The following ZRANB3 variants were observed in gnomAD, a reference collection of about 807,000 sequenced individuals.
ZRANB3 encodes DNA annealing helicase and endonuclease ZRANB3.
A neutral mutation model predicts 133.8 loss-of-function variants in ZRANB3; 125 were observed. The observed-to-expected ratio is 0.93, with a 90% confidence interval of 0.81 to 1.08. ZRANB3 has a LOEUF of 1.08. Ranked by LOEUF, ZRANB3 falls within the 50% of genes least tolerant of loss-of-function variation. ZRANB3 has a pLI of 0.00. For synonymous variants in ZRANB3, 387 were observed against 432.7 expected, an observed-to-expected ratio of 0.89 and a Z score of 1.31; for missense variants, 1,229 against 1,275.5, an observed-to-expected ratio of 0.96 and a Z score of 0.56.
At position 135,291,088 on chromosome 2, in the gene ZRANB3, G is replaced by A. The variant is rs561491394; in HGVS notation, c.967-15333C>T. 3.3e-5 allele frequency among the ~76,000 whole-genome samples: 5 copies of A among 152,040 alleles called. No homozygotes were observed. In the South Asian group the frequency reaches 8.3e-4, roughly 25 times the overall value. On this transcript the variant is annotated intron_variant, in intron 8 of 20. Coordinates refer to ENST00000264159, the MANE Select transcript of ZRANB3 (RefSeq NM_032143.4). ...TGCTGGCCAGGTTGCTCTTGAACTC[G>A]TGACCTCAGGTGATCCACCTGTCTC... is the stretch of plus-strand genomic sequence containing the variant.
chr2:135,302,378 G>C (rs1016093498), intron 8 of ZRANB3, among the ~76,000 whole-genome samples: 1 of 152,156 alleles, frequency 6.6e-6, no homozygotes, highest in African/African-American at 2.4e-5. Flanking sequence ...GGGAGGCAAG[G>C]ATTGGCCTTC....
chr2:135,309,415 T>A (rs1558906113), intron 8 of ZRANB3, among the ~76,000 whole-genome samples: 1 of 152,032 alleles, frequency 6.6e-6, no homozygotes, highest in Non-Finnish European at 1.5e-5. Flanking sequence ...GCAAAACAAA[T>A]AAATAAAAGG....
At chr2:135,227,676 C>G in intron 14 of ZRANB3, 136 bp downstream of exon 14, 1 of 847,798 alleles carries the variant, frequency 1.2e-6, no homozygotes, top group South Asian at 1.8e-5. Context: ...TATGTGGTTA[C>G]AAATGGTTGG....
chr2:135,406,950 T>C (rs113201021), intron 2 of ZRANB3, among the ~76,000 whole-genome samples: 119 of 152,276 alleles, frequency 7.8e-4, no homozygotes, highest in African/African-American at 2.6e-3. Context: ...CTATTCAACA[T>C]AGTGTTGGAA....
Position 135,230,835 on chromosome 2 carries a change from T to C in ZRANB3, c.1632A>G (p.Arg544=), listed in dbSNP as rs778406702. Residue 544 remains arginine (R), a synonymous_variant, in exon 13 of 21, where the codon AGA becomes AGG. Transcript: ENST00000264159. The stretch of plus-strand genomic sequence containing the variant: ...ACACTACAGTATTTTCCTCCCGGAA[T>C]CTCTTTGATTCGTCACAGGAGGTCA... ...QLMTSCDESK[R]FREENTVVSS... is the part of the protein sequence containing the mutation. The C allele has an allele frequency of 5.8e-5, 94 of 1,613,136 alleles. No individual in the cohort carries two copies. Among genetic ancestry groups the C allele is most frequent in the Non-Finnish European group, 8.0e-5 (94 of 1,179,692 alleles).
intron 8 of ZRANB3, among the ~76,000 whole-genome samples, chr2:135,288,817 T>G (rs578260164): frequency 6.6e-6 from 1 of 152,168 alleles, no homozygotes; most frequent in East Asian, 1.9e-4. Flanking sequence ...TTAGCCTCAC[T>G]AATAGTCTAT....
At chr2:135,327,888 TAA>T (rs1439733103) in intron 6 of ZRANB3, among the ~76,000 whole-genome samples, 3 of 152,178 alleles carry the variant, frequency 2.0e-5, no homozygotes, top group Admixed American at 1.3e-4. Flanking sequence ...AAAAATGTCC[TAA>T]GATAGTATTG....
chr2:135,393,170 A>C (rs1030180002), intron 2 of ZRANB3, among the ~76,000 whole-genome samples: 1 of 152,310 alleles, frequency 6.6e-6, no homozygotes, highest in East Asian at 1.9e-4. Flanking sequence ...ACCTGGCCCC[A>C]ATAAATATCT....
intron 2 of ZRANB3, among the ~76,000 whole-genome samples, chr2:135,500,540 G>A (rs1346943078): frequency 6.6e-6 from 1 of 151,996 alleles, no homozygotes; most frequent in Non-Finnish European, 1.5e-5. Flanking sequence ...CAATAATATA[G>A]TTGAACAGGC....
intron 8 of ZRANB3, among the ~76,000 whole-genome samples, chr2:135,295,113 C>T (rs1038822828): frequency 6.6e-6 from 1 of 151,980 alleles, no homozygotes; most frequent in East Asian, 1.9e-4. Context: ...TCTATTAGGT[C>T]CACTTGGTGC....
intron 8 of ZRANB3, among the ~76,000 whole-genome samples, chr2:135,302,436 T>A (rs1682475933): frequency 6.6e-6 from 1 of 152,112 alleles, no homozygotes; most frequent in African/African-American, 2.4e-5. Context: ...GGACAACTAC[T>A]TTTCATCTCT....
intron 1 of ZRANB3, among the ~76,000 whole-genome samples, chr2:135,518,107 C>T (rs1471808636): frequency 6.6e-6 from 1 of 152,164 alleles, no homozygotes; most frequent in African/African-American, 2.4e-5. Context: ...ATGCCCCTCC[C>T]CCTACCAAGC....
At chr2:135,417,014 A>G (rs1489502008) in intron 2 of ZRANB3, among the ~76,000 whole-genome samples, 1 of 152,218 alleles carries the variant, frequency 6.6e-6, no homozygotes, top group Non-Finnish European at 1.5e-5. Context: ...ACCCTAGAAG[A>G]AAACCTAGGC....
intron 2 of ZRANB3, among the ~76,000 whole-genome samples, chr2:135,408,186 A>T (rs1688132927): frequency 6.6e-6 from 1 of 152,072 alleles, no homozygotes. Context: ...ACACTTCTCA[A>T]AAGAAGACGT....
At position 135,198,616 on chromosome 2, in the gene ZRANB3, C is replaced by T. The variant is rs1396388807; in HGVS notation, c.*1726G>A. On this transcript the variant is annotated 3_prime_UTR_variant, in exon 21 of 21. Coordinates refer to ENST00000264159, the MANE Select transcript of ZRANB3 (RefSeq NM_032143.4). ...GCAAGTTCCCCTCAAATTTGACCTA[C>T]TTAGACCTCGCTTGCAAAACCCCAT... 2.0e-5 allele frequency: 3 copies of T among 152,198 alleles called. No homozygotes were observed. Among genetic ancestry groups the T allele is most frequent in the African/African-American group, 4.8e-5 (2 of 41,446 alleles). 9.4% of individuals were successfully genotyped at this position (152,198 alleles called of 1,614,324 possible). A position where few individuals can be genotyped will look rare whatever the true frequency, so the allele number is the denominator to read the frequency against.
chr2:135,331,121 T>G (rs796934059), intron 6 of ZRANB3, among the ~76,000 whole-genome samples: 1 of 152,214 alleles, frequency 6.6e-6, no homozygotes, highest in South Asian at 2.1e-4. Flanking sequence ...ATGTGTTTGC[T>G]CTTGCTTCTC....
At chr2:135,236,573 A>T (rs1185834171) in intron 12 of ZRANB3, among the ~76,000 whole-genome samples, 2 of 152,236 alleles carry the variant, frequency 1.3e-5, no homozygotes, top group Non-Finnish European at 2.9e-5. Context: ...ACAGCATGGT[A>T]CTGGTACCAA....
rs114528016 is a variant in ZRANB3 at position 135,418,117 on chromosome 2, A to G, written c.162-27297T>C. On this transcript the variant is annotated intron_variant, in intron 2 of 20. Coordinates refer to ENST00000264159, the MANE Select transcript of ZRANB3 (RefSeq NM_032143.4). ...CTAAAACTTAAAGTATAATAATAAT[A>G]AAAACAAACAACAAAAAATATAGTA... is the stretch of plus-strand genomic sequence containing the variant. 3.2e-3 allele frequency among the ~76,000 whole-genome samples: 483 copies of G among 152,316 alleles called. 2 individuals carry two copies. Among genetic ancestry groups the G allele is most frequent in the African/African-American group, 0.01 (428 of 41,580 alleles).
At chr2:135,257,843 T>G (rs143966384) in intron 12 of ZRANB3, among the ~76,000 whole-genome samples, 2 of 152,334 alleles carry the variant, frequency 1.3e-5, no homozygotes, top group East Asian at 3.9e-4. Context: ...GGCAAAGTTA[T>G]GAGAACAGAC....
Sources: allele counts gnomAD v4.1 joint callset (sites outside exome capture counted in the v4.1 genomes callset), GRCh38; gene constraint gnomAD v4.1.1; transcripts MANE v1.5; gene names NCBI Gene and HGNC (gene_info 2026-07-23, HGNC 2026-07-21).